Variants in GLMN observed in about 807,000 individuals in gnomAD.
GLMN encodes the protein glomulin, FKBP associated protein.
Under a neutral mutation model 87.8 loss-of-function variants are expected in GLMN, and 75 were observed. The ratio of observed to expected loss-of-function variants is 0.85; its 90% CI spans 0.71 to 1.04. The LOEUF (loss-of-function observed/expected upper bound fraction) is 1.04, where lower values mean the gene tolerates loss of function less well. GLMN is among the 50% of genes least tolerant of loss of function. GLMN has a pLI of 0.00. For missense variants in GLMN, 588 were observed against 658.8 expected (o/e 0.89, Z 1.18); for synonymous variants, 206 against 221.6 (o/e 0.93, Z 0.63).
At chr1:92,302,679 G>C (rs1307592180), upstream of GLMN, among the ~76,000 whole-genome samples, 1 of 127,282 alleles carries the variant, frequency 7.9e-6, no homozygotes, top group African/African-American at 3.0e-5. Context: ...TCTGCTCACT[G>C]CAAGCTCCGC....
chr1:92,267,893 A>G lies in GLMN; in HGVS notation c.1098+20T>C, dbSNP rs999602528. 9.1e-7 allele frequency: 1 copy of G among 1,099,934 alleles called. No individual in the cohort carries two copies. The highest frequency in any genetic ancestry group is 1.7e-5 in the Admixed American group (1 of 59,390). 68.1% of individuals were successfully genotyped at this position (1,099,934 alleles called of 1,614,324 possible). On this transcript the variant is annotated intron_variant, in intron 11 of 18. Coordinates refer to ENST00000370360, the MANE Select transcript of GLMN (RefSeq NM_053274.3). ...CAGGCAAAGGGCTATTTTCAATATT[A>G]GAATACATATTTTATTTACCTGAGG...
chr1:92,301,205 C>T (rs970646677), upstream of GLMN, among the ~76,000 whole-genome samples: 1 of 152,064 alleles, frequency 6.6e-6, no homozygotes, highest in South Asian at 2.1e-4. Context: ...GAAATTTGGC[C>T]GGATGTGGTG....
At chr1:92,338,647 G>T in the GLMN span, among the ~76,000 whole-genome samples, 134 of 93,554 alleles carry the variant, frequency 1.4e-3, no homozygotes, top group Non-Finnish European at 2.4e-3. Context: ...GCTGATCATT[G>T]ATTTTTTTTT....
intron 16 of GLMN, among the ~76,000 whole-genome samples, chr1:92,255,675 C>G (rs762532901): frequency 6.6e-6 from 1 of 152,020 alleles, no homozygotes; most frequent in Non-Finnish European, 1.5e-5. Context: ...GGGTAAATAA[C>G]GAAATTAAGG....
At chr1:92,304,971 C>G in the GLMN span, among the ~76,000 whole-genome samples, 1 of 151,720 alleles carries the variant, frequency 6.6e-6, no homozygotes, top group African/African-American at 2.4e-5. Flanking sequence ...CCTGTCTCTA[C>G]AAAAAGTACA....
At chr1:92,345,751 T>C in the GLMN span, 1 of 767,104 alleles carries the variant, frequency 1.3e-6, no homozygotes, top group Non-Finnish European at 2.1e-6. Context: ...AAAGTGCTTC[T>C]TTGGCACATT....
intron 17 of GLMN, 85 bp from the exon 18 acceptor site, chr1:92,247,229 A>G: frequency 2.6e-6 from 2 of 774,860 alleles, no homozygotes; most frequent in Middle Eastern, 2.4e-4. Context: ...CACTAACTTA[A>G]AACATGTCAG....
At chr1:92,350,314 AAG>A in the GLMN span, among the ~76,000 whole-genome samples, 2 of 152,218 alleles carry the variant, frequency 1.3e-5, no homozygotes, top group Admixed American at 1.3e-4. Flanking sequence ...GTTACAATTA[AAG>A]ACTCTCAAGC....
chr1:92,290,702 T>C (rs1649307652), intron 4 of GLMN, among the ~76,000 whole-genome samples: 2 of 152,234 alleles, frequency 1.3e-5, no homozygotes, highest in African/African-American at 4.8e-5. Context: ...GCTTTCTGAC[T>C]GGCCATATCT....
chr1:92,310,986 C>T, the GLMN span, among the ~76,000 whole-genome samples: 1 of 152,216 alleles, frequency 6.6e-6, no homozygotes, highest in Non-Finnish European at 1.5e-5. Context: ...TACATTATCT[C>T]ATATATGCAT....
At chr1:92,282,376 T>G (rs1173152175) in intron 7 of GLMN, among the ~76,000 whole-genome samples, 1 of 152,134 alleles carries the variant, frequency 6.6e-6, no homozygotes, top group East Asian at 1.9e-4. Context: ...GAATGACTAC[T>G]GGGTACATAA....
chr1:92,336,367 C>T, the GLMN span: 1 of 1,609,294 alleles, frequency 6.2e-7, no homozygotes, highest in Non-Finnish European at 8.5e-7. Context: ...CTTCTGGTTC[C>T]TCTTCAGATT....
chr1:92,277,949 G>A lies in GLMN; in HGVS notation c.736-6297C>T, dbSNP rs141355432. Among the ~76,000 whole-genome samples the A allele has an allele frequency of 3.2e-3, 481 of 152,174 alleles. 2 individuals carry two copies. Among genetic ancestry groups the A allele is most frequent in the African/African-American group, 0.011 (452 of 41,510 alleles). Reference sequence around the variant, plus strand: ...TTAGAGCACAGGTAAAACATCCTAGGGCTTGAGACTGGCATTGGAAGGGGG... The same window carrying A: ...TTAGAGCACAGGTAAAACATCCTAGAGCTTGAGACTGGCATTGGAAGGGGG... On this transcript the variant is annotated intron_variant, in intron 7 of 18. Coordinates refer to ENST00000370360, the MANE Select transcript of GLMN (RefSeq NM_053274.3).
At chr1:92,301,260 T>C (rs374789830), upstream of GLMN, among the ~76,000 whole-genome samples, 283 of 152,176 alleles carry the variant, frequency 1.9e-3, no homozygotes, top group African/African-American at 6.4e-3. Context: ...GAGGTGGGAG[T>C]GTTGCTTGAG....
the GLMN span, among the ~76,000 whole-genome samples, chr1:92,342,413 G>A: frequency 6.6e-6 from 1 of 152,198 alleles, no homozygotes; most frequent in African/African-American, 2.4e-5. Context: ...GGTCAGAGAA[G>A]TATGGGATTG....
chr1:92,259,476 G>A (rs1654720028), intron 16 of GLMN, among the ~76,000 whole-genome samples: 1 of 152,100 alleles, frequency 6.6e-6, no homozygotes, highest in South Asian at 2.1e-4. Flanking sequence ...TCAGTTGACA[G>A]TAACCCAAAA....
chr1:92,300,403 C>A (rs75968796), upstream of GLMN, among the ~76,000 whole-genome samples: 1 of 151,944 alleles, frequency 6.6e-6, no homozygotes, highest in Admixed American at 6.6e-5. Context: ...TAGACTGTTA[C>A]ATTCCTCTAC....
rs569694943 is a variant in GLMN at position 92,248,009 on chromosome 1, G to T, written c.1474-20C>A. The T allele has an allele frequency of 1.3e-5, 12 of 944,544 alleles. No homozygotes were observed. In the South Asian group the frequency reaches 1.3e-4, roughly 10 times the overall value. The allele number at this position is 944,544 out of a possible 1,614,324, so 58.5% of individuals were successfully genotyped here. On this transcript the variant is annotated intron_variant, in intron 16 of 18. Coordinates refer to ENST00000370360, the MANE Select transcript of GLMN (RefSeq NM_053274.3). ...TCCAGTCTGTTAAGAATGAAAGAAT[G>T]AGTTATTTAGTTCAACAATGATTGA...
chr1:92,274,052 C>G (rs1417273203), intron 7 of GLMN, among the ~76,000 whole-genome samples: 1 of 152,206 alleles, frequency 6.6e-6, no homozygotes, highest in African/African-American at 2.4e-5. Context: ...CCCAACCACA[C>G]CACACTTACC....
Sources: allele counts gnomAD v4.1 joint callset (sites outside exome capture counted in the v4.1 genomes callset), GRCh38; gene constraint gnomAD v4.1.1; transcripts MANE v1.5; gene names NCBI Gene and HGNC (gene_info 2026-07-23, HGNC 2026-07-21).